The following EPHA1 variants were observed in gnomAD, a reference collection of about 807,000 sequenced individuals.
EPHA1 encodes the protein ephrin type-A receptor 1.
A neutral mutation model predicts 110.1 loss-of-function variants in EPHA1; 92 were observed. That is an observed-to-expected ratio of 0.84 (90% CI 0.71 to 0.99). The LOEUF (loss-of-function observed/expected upper bound fraction) is 0.99, where lower values mean the gene tolerates loss of function less well. Among genes scored for constraint, EPHA1 ranks in the 50% least tolerant of loss-of-function variants. The pLI is 0.00. For synonymous variants in EPHA1, 500 were observed against 516.1 expected, an observed-to-expected ratio of 0.97 and a Z score of 0.42; for missense variants, 1,204 against 1,285.4, an observed-to-expected ratio of 0.94 and a Z score of 0.97.
Position 143,398,302 on chromosome 7 carries a change from C to T in EPHA1, c.1464+19G>A. Reference sequence around the variant, plus strand: ...CCCGGGCATGGACACTGAAGACCATCTCTCAGTAGCATCCTGACCTGGTTC... The same window carrying T: ...CCCGGGCATGGACACTGAAGACCATTTCTCAGTAGCATCCTGACCTGGTTC... On this transcript the variant is annotated intron_variant, in intron 7 of 17. Coordinates refer to ENST00000275815, the MANE Select transcript of EPHA1 (RefSeq NM_005232.5). 1 of 1,613,732 alleles carries T rather than the reference C, an allele frequency of 6.2e-7. No homozygotes were observed. Among genetic ancestry groups the T allele is most frequent in the South Asian group, 1.1e-5 (1 of 91,086 alleles).
Position 143,398,705 on chromosome 7 carries a change from G to A in EPHA1, c.1232C>T (p.Pro411Leu). Residue 411 changes from proline (P) to leucine (L), a missense_variant, in exon 6 of 18, where the codon CCT (proline) becomes CTT (leucine). By Grantham distance (98) the Pro-to-Leu change is moderately conservative (BLOSUM62 -3). Transcript: ENST00000275815. Reference sequence around the variant, plus strand: ...CACATTAAAGGTGTAGTTGGCATAAGGTTCAAGGCCATTGACATGCACTGC... The same window carrying A: ...CACATTAAAGGTGTAGTTGGCATAAAGTTCAAGGCCATTGACATGCACTGC... The part of the protein sequence containing the change: ...TPAVHVNGLE[P>L]YANYTFNVEA... 6.2e-7 allele frequency: 1 copy of A among 1,614,136 alleles called. No individual in the cohort carries two copies. The highest frequency in any genetic ancestry group is 8.5e-7 in the Non-Finnish European group (1 of 1,180,002).
At chr7:143,406,290 T>C (rs1805545625) in intron 2 of EPHA1, among the ~76,000 whole-genome samples, 1 of 152,124 alleles carries the variant, frequency 6.6e-6, no homozygotes, top group South Asian at 2.1e-4. Flanking sequence ...ATCTAATTAA[T>C]CACGCCTATG....
chr7:143,404,643 G>A (rs11767492), intron 2 of EPHA1, among the ~76,000 whole-genome samples: 99,424 of 151,984 alleles, frequency 0.65, 33,101 homozygotes, highest in South Asian at 0.78. Context: ...AACCTCATAT[G>A]TGTAGGCTCG....
At chr7:143,394,516 G>C (rs1368216500) in intron 14 of EPHA1, among the ~76,000 whole-genome samples, 173 bp from the exon 15 acceptor site, 1 of 152,170 alleles carries the variant, frequency 6.6e-6, no homozygotes, top group Non-Finnish European at 1.5e-5. Context: ...CACCTCCCAG[G>C]TTCAAGCGAT....
intron 1 of EPHA1, among the ~76,000 whole-genome samples, chr7:143,408,168 G>A (rs972388200): frequency 3.3e-5 from 5 of 152,220 alleles, no homozygotes; most frequent in African/African-American, 1.2e-4. Flanking sequence ...GAGCCGTGAA[G>A]TGGGGATAAG....
intron 2 of EPHA1, among the ~76,000 whole-genome samples, chr7:143,405,441 G>A (rs1314977288): frequency 3.0e-5 from 3 of 100,310 alleles, no homozygotes; most frequent in Admixed American, 1.5e-4. Context: ...GTGTGCGTGT[G>A]TGTGTGTGTG....
chr7:143,403,266 G>A (rs906313012), intron 2 of EPHA1, among the ~76,000 whole-genome samples: 6 of 152,194 alleles, frequency 3.9e-5, no homozygotes, highest in African/African-American at 1.4e-4. Flanking sequence ...GGCTACTTGG[G>A]AGGCTGAGGC....
In EPHA1 at chr7:143,396,454, G is replaced by A; in HGVS notation, c.1828C>T (p.Gln610Ter). The A allele has an allele frequency of 1.2e-6, 2 of 1,614,036 alleles. No homozygotes were observed. The highest frequency in any genetic ancestry group is 1.1e-5 in the South Asian group (1 of 91,064). Residue 610 changes from glutamine (Q) to a stop codon, truncating the protein, a stop_gained, in exon 11 of 18, where the codon CAG becomes TAG. Transcript: ENST00000275815. LOFTEE classifies it high-confidence loss of function. ...TCCCGGGTAAAGTCCAGGGCTCCCTGTGCAGGGTCCTCGTATGCCTGGAGG... is the reference window on the plus strand; with the variant it reads ...TCCCGGGTAAAGTCCAGGGCTCCCTATGCAGGGTCCTCGTATGCCTGGAGG... Reference protein sequence around the residue: ...VDLQAYEDPAQGALDFTRELD... With the variant: ...VDLQAYEDPA
At chr7:143,407,492 C>T (rs1400430164) in intron 2 of EPHA1, 119 bp downstream of exon 2, 1 of 1,003,796 alleles carries the variant, frequency 1.0e-6, no homozygotes, top group African/African-American at 1.6e-5. Context: ...TCTCCCCCTC[C>T]CTGAGGAGAC....
intron 1 of EPHA1, 48 bp from the exon 2 acceptor site, chr7:143,407,726 C>A: frequency 6.6e-7 from 1 of 1,509,696 alleles, no homozygotes; most frequent in Non-Finnish European, 9.2e-7. Context: ...GGAGGAGGTG[C>A]CCCTGCAGCC....
rs769301291 is a variant in EPHA1, at chr7:143,399,613, C to T, written c.835+38G>A. ...TGCCGGGGTACTCCTGCAATCCTCC[C>T]GAGTGGTTCCTCAGGTTCTCACCGC... On this transcript the variant is annotated intron_variant, in intron 4 of 17. Coordinates refer to ENST00000275815, the MANE Select transcript of EPHA1 (RefSeq NM_005232.5). 3.1e-5 allele frequency: 50 copies of T among 1,609,114 alleles called. No individual in the cohort carries two copies. In the South Asian group the frequency reaches 3.5e-4, roughly 11 times the overall value.
chr7:143,397,973 G>A lies in EPHA1; in HGVS notation c.1562C>T (p.Pro521Leu). ...TYIVRVRMLTPLGPGPFSPDH... is the reference protein window; with the variant it reads ...TYIVRVRMLTLLGPGPFSPDH... ...AGGGGAGAAAGGGCCAGGACCCAGT[G>A]GGGTCAGCATTCGGACTCTGACGAT... The change falls in exon 8 of 18, where the codon CCA (proline) becomes CTA (leucine). Residue 521 changes from proline (P) to leucine (L), a missense_variant. Pro to Leu is a moderately conservative substitution (Grantham distance 98, BLOSUM62 -3). Coordinates refer to ENST00000275815, the MANE Select transcript of EPHA1 (RefSeq NM_005232.5). 3.7e-6 allele frequency: 6 copies of A among 1,614,130 alleles called. No homozygotes were observed. The highest frequency in any genetic ancestry group is 5.1e-6 in the Non-Finnish European group (6 of 1,180,012).
chr7:143,399,176 T>C, intron 5 of EPHA1, 82 bp downstream of exon 5: 1 of 1,535,850 alleles, frequency 6.5e-7, no homozygotes, highest in Non-Finnish European at 8.8e-7. Context: ...TGACAAGCTC[T>C]GGAAAAATCC....
At chr7:143,405,838 G>A (rs1050480299) in intron 2 of EPHA1, among the ~76,000 whole-genome samples, 3 of 152,158 alleles carry the variant, frequency 2.0e-5, no homozygotes, top group Non-Finnish European at 4.4e-5. Flanking sequence ...GTAGGACCCA[G>A]AGGGAAAGAA....
intron 14 of EPHA1, 22 bp from the exon 15 acceptor site, chr7:143,394,365 G>T: frequency 6.2e-7 from 1 of 1,606,486 alleles, no homozygotes; most frequent in African/African-American, 1.3e-5. Flanking sequence ...CATGGGTCAG[G>T]GACGGAAAGT....
intron 2 of EPHA1, among the ~76,000 whole-genome samples, chr7:143,402,798 C>T (rs1805457553): frequency 6.6e-6 from 1 of 152,180 alleles, no homozygotes; most frequent in African/African-American, 2.4e-5. Context: ...CCAGACACTC[C>T]AGGTTCCAGA....
intron 16 of EPHA1, among the ~76,000 whole-genome samples, chr7:143,392,987 A>T (rs1409605627): frequency 6.6e-6 from 1 of 151,988 alleles, no homozygotes; most frequent in Non-Finnish European, 1.5e-5. Flanking sequence ...GTAAAATCCA[A>T]ACTTCTCAAC....
Position 143,391,310 on chromosome 7 carries a change from G to C in EPHA1, c.*147C>G. Reference sequence around the variant, plus strand: ...AAACAAAGAGGTTTTCTGGGGTGCAGAGCAGGGTTCTCCTGAAAGTGGGCA... The same window carrying C: ...AAACAAAGAGGTTTTCTGGGGTGCACAGCAGGGTTCTCCTGAAAGTGGGCA... On this transcript the variant is annotated 3_prime_UTR_variant, in exon 18 of 18. Coordinates refer to ENST00000275815, the MANE Select transcript of EPHA1 (RefSeq NM_005232.5). 1 of 928,288 alleles carries C rather than the reference G, an allele frequency of 1.1e-6. No individual in the cohort carries two copies. The highest frequency in any genetic ancestry group is 1.7e-5 in the South Asian group (1 of 60,186). The allele number at this position is 928,288 out of a possible 1,614,324, so 57.5% of individuals were successfully genotyped here.
chr7:143,405,878 G>A (rs1805536059), intron 2 of EPHA1, among the ~76,000 whole-genome samples: 1 of 152,152 alleles, frequency 6.6e-6, no homozygotes, highest in African/African-American at 2.4e-5. Flanking sequence ...AGAAACAGGG[G>A]CTGGATTGAA....
Sources: gnomAD v4.1 joint callset for allele counts (sites outside exome capture counted in the v4.1 genomes callset) on GRCh38, gnomAD v4.1.1 for gene constraint, MANE v1.5 for transcripts, NCBI Gene and HGNC (gene_info 2026-07-23, HGNC 2026-07-21) for gene names.